The following RARB variants were observed in gnomAD, a reference collection of about 807,000 sequenced individuals.
RARB encodes the protein HBV-activated protein.
RARB carries 17 observed loss-of-function variants against 51.9 expected under a neutral mutation model. That is an observed-to-expected ratio of 0.33 (90% confidence interval 0.22 to 0.49). The LOEUF (loss-of-function observed/expected upper bound fraction) is 0.49. Ranked by LOEUF, RARB falls within the 20% of genes least tolerant of loss-of-function variation. The pLI, the probability that RARB is intolerant of heterozygous loss-of-function variation, is 0.99. For missense variants in RARB, 369 were observed against 550.8 expected (o/e 0.67, Z 3.30); for synonymous variants, 215 against 195.4 (o/e 1.10, Z -0.84).
At chr3:25,046,183 G>A (rs1698209919) in intron 2 of RARB, among the ~76,000 whole-genome samples, 1 of 152,066 alleles carries the variant, frequency 6.6e-6, no homozygotes. Flanking sequence ...AAAACCGCTG[G>A]GCCTGTTGGC....
At chr3:24,851,900 T>C (rs970673334) in intron 1 of RARB, among the ~76,000 whole-genome samples, 2 of 152,238 alleles carry the variant, frequency 1.3e-5, no homozygotes, top group African/African-American at 4.8e-5. Flanking sequence ...GAACTGAATT[T>C]ATTGTTTATT....
chr3:25,457,472 T>C (rs775235361), intron 1 of RARB, among the ~76,000 whole-genome samples: 8 of 152,206 alleles, frequency 5.3e-5, no homozygotes, highest in Admixed American at 2.0e-4. Context: ...ATTGATTACT[T>C]ACAATAGAAC....
chr3:25,169,989 T>TA (rs58403240), intron 4 of RARB, among the ~76,000 whole-genome samples: 2 of 137,460 alleles, frequency 1.5e-5, no homozygotes, highest in Non-Finnish European at 3.1e-5. Context: ...CCTTATTTCT[T>TA]AAAAAAAAAA....
intron 5 of RARB, among the ~76,000 whole-genome samples, chr3:25,275,884 T>C (rs755968594): frequency 6.6e-6 from 1 of 152,172 alleles, no homozygotes; most frequent in Non-Finnish European, 1.5e-5. Flanking sequence ...GTAACAAAGG[T>C]GCACGTTGTG....
At chr3:25,282,433 T>C (rs1703546763) in intron 5 of RARB, among the ~76,000 whole-genome samples, 2 of 152,234 alleles carry the variant, frequency 1.3e-5, no homozygotes, top group Admixed American at 1.3e-4. Context: ...CCACTCTCAC[T>C]TCTAACACTT....
At chr3:25,111,267 A>G (rs988947114) in intron 3 of RARB, among the ~76,000 whole-genome samples, 1 of 152,322 alleles carries the variant, frequency 6.6e-6, no homozygotes, top group South Asian at 2.1e-4. Flanking sequence ...CTTCAATCAT[A>G]TTTGAGAGTC....
At chr3:24,959,661 T>A (rs534976913) in intron 2 of RARB, among the ~76,000 whole-genome samples, 2 of 152,324 alleles carry the variant, frequency 1.3e-5, no homozygotes, top group South Asian at 4.1e-4. Flanking sequence ...AGAATTCCTC[T>A]GCCTCCTGGC....
chr3:24,851,642 GT>G lies in RARB; in HGVS notation c.-458-7030del, dbSNP rs1249368932. Among the ~76,000 whole-genome samples the G allele has an allele frequency of 1.8e-4, 28 of 152,282 alleles. 1 individual carries two copies. In the East Asian group the frequency reaches 5.4e-3, roughly 29 times the overall value. On this transcript the variant is annotated intron_variant, in intron 1 of 11. Transcript: ENST00000383772. ...TTTAAGCACTCAAACATGAATAGCA[GT>G]TGTCAGAATTTACATCTTTTGATGG...
chr3:25,321,746 TC>T (rs144926929), intron 5 of RARB, among the ~76,000 whole-genome samples: 3,904 of 151,992 alleles, frequency 0.026, 173 homozygotes, highest in African/African-American at 0.085. Context: ...AATTGTGCTG[TC>T]AGCCATTTGA....
In RARB at chr3:25,428,757, C is replaced by T. The variant is rs1708082182; in HGVS notation, c.26C>T (p.Ser9Leu). 1 of 1,614,108 alleles carries T rather than the reference C, an allele frequency of 6.2e-7. No homozygotes were observed. Among genetic ancestry groups the T allele is most frequent in the Non-Finnish European group, 8.5e-7 (1 of 1,180,004 alleles). The change falls in exon 1 of 8, where the codon TCA becomes TTA. Residue 9 changes from serine to leucine, a missense_variant. Around this residue, in one of 9 missense-constraint regions of RARB, gnomAD observed 99 missense variants for 95.1 expected, o/e 1.04. Transcript: ENST00000330688. MFDCMDVL[S>L]VSPGQILDFY... is the part of the protein sequence containing the mutation. Reference sequence around the variant, plus strand: ...ATGTTTGACTGTATGGATGTTCTGTCAGTGAGTCCTGGGCAAATCCTGGAT... The same window carrying T: ...ATGTTTGACTGTATGGATGTTCTGTTAGTGAGTCCTGGGCAAATCCTGGAT...
chr3:24,882,085 A>G (rs1359076201), intron 2 of RARB, among the ~76,000 whole-genome samples: 1 of 152,230 alleles, frequency 6.6e-6, no homozygotes. Context: ...GGAGAATAAG[A>G]GAATAATGTC....
intron 3 of RARB, among the ~76,000 whole-genome samples, chr3:25,555,353 C>G (rs1164363625): frequency 2.0e-5 from 3 of 152,172 alleles, no homozygotes; most frequent in Non-Finnish European, 4.4e-5. Context: ...TTTCTCTCTT[C>G]CCTGCGTTGT....
intron 5 of RARB, among the ~76,000 whole-genome samples, chr3:25,304,688 A>G (rs114339843): frequency 0.022 from 3,344 of 152,260 alleles, 114 homozygotes; most frequent in African/African-American, 0.072. Context: ...CACCTGGGTT[A>G]TTATAATAGT....
chr3:25,262,740 G>A (rs573686835), intron 5 of RARB, among the ~76,000 whole-genome samples: 24 of 152,176 alleles, frequency 1.6e-4, no homozygotes, highest in Admixed American at 4.6e-4. Context: ...AAGGTCAGCC[G>A]GTTAGCAAGC....
chr3:24,958,255 G>GTTTTGTTTTTTTT lies in RARB; in HGVS notation c.-380+99507_-380+99508insGTTTTTTTTTTTT, dbSNP rs1314564374. Among the ~76,000 whole-genome samples the GTTTTGTTTTTTTT allele has an allele frequency of 6.0e-3, 417 of 69,300 alleles. 46 individuals are homozygous for GTTTTGTTTTTTTT. The highest frequency in any genetic ancestry group is 0.015 in the East Asian group (29 of 1,922). The allele number at this position is 69,300 out of a possible 152,430, so 45.5% of individuals were successfully genotyped here. A position where few individuals can be genotyped will look rare whatever the true frequency, so the allele number is the denominator to read the frequency against. On this transcript the variant is annotated intron_variant, in intron 2 of 11. Coordinates refer to the RARB transcript ENST00000383772. ...ACCTGAAGCTTCCTGAGCTGCTCAGGTTTTTTTTTTTTTTTTTTTTTTTTT... is the reference window on the plus strand; with the variant it reads ...ACCTGAAGCTTCCTGAGCTGCTCAGGTTTTGTTTTTTTTTTTTTTTTTTTTTTTTTTTTTTTTT...
At chr3:24,871,730 C>T (rs966971896) in intron 2 of RARB, among the ~76,000 whole-genome samples, 1 of 152,172 alleles carries the variant, frequency 6.6e-6, no homozygotes, top group Non-Finnish European at 1.5e-5. Context: ...AACTCCTTAT[C>T]TCTCTTCTGA....
At chr3:25,409,493 G>A (rs116690281) in intron 5 of RARB, among the ~76,000 whole-genome samples, 1,683 of 152,216 alleles carry the variant, frequency 0.011, 26 homozygotes, top group African/African-American at 0.038. Context: ...GCCATAGGGT[G>A]TAAGAACCTT....
chr3:25,489,979 C>T (rs773902625), intron 2 of RARB, among the ~76,000 whole-genome samples: 1 of 152,236 alleles, frequency 6.6e-6, no homozygotes, highest in Non-Finnish European at 1.5e-5. Flanking sequence ...AGAGCTGGAG[C>T]TTAAGTAATA....
intron 3 of RARB, among the ~76,000 whole-genome samples, chr3:25,095,331 A>G (rs1021928094): frequency 2.6e-5 from 4 of 152,192 alleles, no homozygotes; most frequent in Non-Finnish European, 4.4e-5. Flanking sequence ...GTGGTTTTCA[A>G]AGTATGATCC....
Sources: gnomAD v4.1 joint callset for allele counts (sites outside exome capture counted in the v4.1 genomes callset) on GRCh38, gnomAD v4.1.1 for gene constraint, gnomAD v4.1.1 regional missense constraint, MANE v1.5 for transcripts, NCBI Gene and HGNC (gene_info 2026-07-23, HGNC 2026-07-21) for gene names.